Variants in KCNN2 observed in about 807,000 individuals in gnomAD.
The protein encoded by KCNN2 is small conductance calcium-activated potassium channel protein 2.
A neutral mutation model predicts 55.5 loss-of-function variants in KCNN2; 24 were observed. The ratio of observed to expected loss-of-function variants is 0.43; its 90% CI spans 0.31 to 0.61. The LOEUF is 0.61. Among genes scored for constraint, KCNN2 ranks in the 20% least tolerant of loss-of-function variants. The pLI is 0.08. For missense variants in KCNN2, 754 were observed against 853.6 expected (o/e 0.88, Z 1.45); for synonymous variants, 431 against 336.1 (o/e 1.28, Z -3.09).
chr5:114,490,276 C>G (rs893708347), intron 6 of KCNN2, among the ~76,000 whole-genome samples: 2 of 152,100 alleles, frequency 1.3e-5, no homozygotes, highest in African/African-American at 4.8e-5. Context: ...TCTGAGTTGT[C>G]CTAATTTGGA....
chr5:114,243,865 G>A (rs912386606), intron 2 of KCNN2, among the ~76,000 whole-genome samples: 1 of 152,192 alleles, frequency 6.6e-6, no homozygotes, highest in Non-Finnish European at 1.5e-5. Context: ...AGAATAAACA[G>A]GAGATGAGCA....
intron 2 of KCNN2, among the ~76,000 whole-genome samples, chr5:114,325,598 A>G (rs1756699979): frequency 6.6e-6 from 1 of 152,228 alleles, no homozygotes; most frequent in Non-Finnish European, 1.5e-5. Flanking sequence ...CAGCCATCTC[A>G]GCAAAAGCCA....
chr5:114,254,625 C>T (rs1754944725), intron 2 of KCNN2, among the ~76,000 whole-genome samples: 2 of 151,960 alleles, frequency 1.3e-5, no homozygotes, highest in South Asian at 2.1e-4. Flanking sequence ...AAAAGTAATC[C>T]TAGTAAGTAT....
intron 2 of KCNN2, among the ~76,000 whole-genome samples, chr5:114,279,152 A>C (rs1212427550): frequency 6.6e-6 from 1 of 152,070 alleles, no homozygotes; most frequent in Admixed American, 6.6e-5. Flanking sequence ...TTTGTTTGCT[A>C]ATACCTTAGA....
chr5:114,244,528 C>T (rs994069528), intron 2 of KCNN2, among the ~76,000 whole-genome samples: 3 of 149,296 alleles, frequency 2.0e-5, no homozygotes, highest in Non-Finnish European at 4.4e-5. Context: ...ACCCGGGAGG[C>T]GGAGGTTACA....
At chr5:114,279,303 TC>T (rs1442924125) in intron 2 of KCNN2, among the ~76,000 whole-genome samples, 1 of 152,058 alleles carries the variant, frequency 6.6e-6, no homozygotes. Context: ...CACTGTAATT[TC>T]TTTTTTTTTT....
intron 1 of KCNN2, among the ~76,000 whole-genome samples, chr5:114,127,476 A>T (rs963739496): frequency 1.3e-5 from 2 of 152,112 alleles, no homozygotes; most frequent in African/African-American, 4.8e-5. Context: ...CCACAGCTGG[A>T]GTGTCTGGGA....
rs551585764 is a variant in KCNN2 at position 114,376,862 on chromosome 5, T to A, written c.1218+12861T>A. On this transcript the variant is annotated intron_variant, in intron 2 of 7. Transcript: ENST00000673685. ...CTTTGGGAGGCTGAGGAGAGAGGAT[T>A]GCTTGAAGGAAGCCGGGAATTGGAG... 7.9e-5 allele frequency among the ~76,000 whole-genome samples: 12 copies of A among 152,192 alleles called. No homozygotes were observed. In the South Asian group the frequency reaches 1.9e-3, roughly 24 times the overall value.
At chr5:114,081,340 A>G (rs966395796) in intron 1 of KCNN2, among the ~76,000 whole-genome samples, 6 of 152,146 alleles carry the variant, frequency 3.9e-5, no homozygotes, top group Non-Finnish European at 8.8e-5. Context: ...CCAGAACAAA[A>G]TTGAAAAGGA....
At chr5:114,325,078 A>C (rs1756689964) in intron 2 of KCNN2, among the ~76,000 whole-genome samples, 1 of 152,220 alleles carries the variant, frequency 6.6e-6, no homozygotes, top group Admixed American at 6.5e-5. Flanking sequence ...ACTAAGCAGG[A>C]TTGTGTCCTA....
chr5:114,444,702 G>A (rs1351993130), intron 3 of KCNN2, among the ~76,000 whole-genome samples: 1 of 152,148 alleles, frequency 6.6e-6, no homozygotes, highest in Non-Finnish European at 1.5e-5. Context: ...AAGGAATATG[G>A]AGGGAGGACA....
intron 3 of KCNN2, among the ~76,000 whole-genome samples, chr5:114,454,290 T>G (rs1451780754): frequency 6.6e-6 from 1 of 152,188 alleles, no homozygotes; most frequent in Non-Finnish European, 1.5e-5. Context: ...CTTCCTTTCT[T>G]TCTTCCTCCC....
intron 1 of KCNN2, among the ~76,000 whole-genome samples, chr5:114,141,228 C>G (rs1170583456): frequency 6.6e-6 from 1 of 151,878 alleles, no homozygotes; most frequent in Non-Finnish European, 1.5e-5. Flanking sequence ...TGTACTGCAC[C>G]CATTAACTCA....
At chr5:114,458,498 A>G (rs895053584) in intron 3 of KCNN2, among the ~76,000 whole-genome samples, 2 of 152,230 alleles carry the variant, frequency 1.3e-5, no homozygotes, top group African/African-American at 4.8e-5. Context: ...GGCCCAAGGC[A>G]AGTCAACTTG....
At chr5:114,219,807 A>G (rs1754095182) in intron 1 of KCNN2, among the ~76,000 whole-genome samples, 1 of 152,082 alleles carries the variant, frequency 6.6e-6, no homozygotes. Flanking sequence ...TATCAGTTTT[A>G]CTGCAAATCT....
intron 1 of KCNN2, among the ~76,000 whole-genome samples, chr5:114,124,205 C>T (rs1015109642): frequency 6.6e-6 from 1 of 152,096 alleles, no homozygotes; most frequent in African/African-American, 2.4e-5. Flanking sequence ...GGGATAACTT[C>T]AAAAAGGTTT....
chr5:114,388,402 T>G (rs1758349778), intron 2 of KCNN2, among the ~76,000 whole-genome samples: 1 of 152,202 alleles, frequency 6.6e-6, no homozygotes, highest in African/African-American at 2.4e-5. Context: ...GATCAGAATT[T>G]CTGTTTTTCT....
At chr5:114,202,217 T>A (rs929787762) in intron 1 of KCNN2, among the ~76,000 whole-genome samples, 3 of 151,942 alleles carry the variant, frequency 2.0e-5, no homozygotes, top group African/African-American at 7.3e-5. Flanking sequence ...GTTCCCTTTC[T>A]GGAGCAACAT....
chr5:114,064,482 G>A (rs1750398459), intron 1 of KCNN2, among the ~76,000 whole-genome samples: 2 of 152,234 alleles, frequency 1.3e-5, no homozygotes, highest in Admixed American at 6.5e-5. Context: ...GAGCCACCAT[G>A]TGAGACAGCA....
Sources: gnomAD v4.1 joint callset for allele counts (sites outside exome capture counted in the v4.1 genomes callset) on GRCh38, gnomAD v4.1.1 for gene constraint, MANE v1.5 for transcripts, NCBI Gene and HGNC (gene_info 2026-07-23, HGNC 2026-07-21) for gene names.